RAB38: variants seen among roughly 807,000 people sequenced by gnomAD.
RAB38 encodes the protein ras-related protein Rab-38.
A neutral mutation model predicts 18.4 loss-of-function variants in RAB38; 15 were observed. The observed-to-expected ratio is 0.82, with a 90% confidence interval of 0.55 to 1.26. RAB38 has a LOEUF of 1.26. RAB38 is among the 50% of genes most tolerant of loss of function. The pLI is 0.00. For synonymous variants in RAB38, 101 were observed against 104.4 expected, an observed-to-expected ratio of 0.97 and a Z score of 0.20; for missense variants, 294 against 267.4, an observed-to-expected ratio of 1.10 and a Z score of -0.69.
At chr11:87,836,393 T>C in the RAB38 span, among the ~76,000 whole-genome samples, 3 of 152,220 alleles carry the variant, frequency 2.0e-5, no homozygotes, top group Non-Finnish European at 4.4e-5. Context: ...CTGAGTATTT[T>C]TTTTTAATAA....
chr11:88,132,606 C>A (rs148747646), intron 2 of RAB38, among the ~76,000 whole-genome samples: 33 of 152,022 alleles, frequency 2.2e-4, no homozygotes, highest in Non-Finnish European at 4.3e-4. Flanking sequence ...TACAAGCATG[C>A]GCCACCATGC....
chr11:87,874,109 G>T, the RAB38 span, among the ~76,000 whole-genome samples: 1 of 150,588 alleles, frequency 6.6e-6, no homozygotes, highest in Non-Finnish European at 1.5e-5. Flanking sequence ...TCTTGGTCCT[G>T]TTAAATGAAT....
At position 88,175,404 on chromosome 11, in the gene RAB38, T is replaced by A. The variant is rs554603663; in HGVS notation, c.-20A>T. On this transcript the variant is annotated 5_prime_UTR_variant, in exon 1 of 3. Transcript: ENST00000243662. ...CTGCATCCTGGCGGCCGGCCAGACG[T>A]GCCGTGCCTGACCAGGGAAGCGCAG... The A allele has an allele frequency of 6.3e-7, 1 of 1,597,064 alleles. No homozygotes were observed. The highest frequency in any genetic ancestry group is 2.3e-5 in the East Asian group (1 of 43,458).
At chr11:88,110,945 A>G (rs575458034), downstream of RAB38, among the ~76,000 whole-genome samples, 1 of 152,286 alleles carries the variant, frequency 6.6e-6, no homozygotes, top group African/African-American at 2.4e-5. Flanking sequence ...GTTCGAGACC[A>G]GGATGGTTGA....
At chr11:87,893,390 A>ATGTGTATATATATATATATATATATATT in the RAB38 span, among the ~76,000 whole-genome samples, 1 of 93,916 alleles carries the variant, frequency 1.1e-5, no homozygotes, top group African/African-American at 3.7e-5. Context: ...ATATATATAT[A>ATGTGTATATATATATATATATATATATT]TTTTTTTTTT....
the RAB38 span, among the ~76,000 whole-genome samples, chr11:87,830,975 G>A: frequency 7.9e-5 from 12 of 151,970 alleles, no homozygotes; most frequent in South Asian, 2.3e-3. Context: ...ATTTTTGTAT[G>A]TACATATTTT....
intron 1 of RAB38, among the ~76,000 whole-genome samples, chr11:88,169,360 TC>T (rs1943282109): frequency 6.6e-6 from 1 of 152,212 alleles, no homozygotes; most frequent in African/African-American, 2.4e-5. Flanking sequence ...GTTTTTCTTT[TC>T]TGTTTTCCAG....
At chr11:87,937,396 A>G in the RAB38 span, among the ~76,000 whole-genome samples, 1 of 143,340 alleles carries the variant, frequency 7.0e-6, no homozygotes, top group Non-Finnish European at 1.5e-5. Context: ...TTATGAGGAT[A>G]TTGGTTTGTA....
At chr11:88,020,567 A>G in the RAB38 span, among the ~76,000 whole-genome samples, 1 of 152,178 alleles carries the variant, frequency 6.6e-6, no homozygotes, top group Non-Finnish European at 1.5e-5. Context: ...CAACAAAGAA[A>G]CATCGGACTT....
chr11:87,822,358 C>T, the RAB38 span, among the ~76,000 whole-genome samples: 15 of 152,180 alleles, frequency 9.9e-5, no homozygotes, highest in South Asian at 4.1e-4. Context: ...TGCCCAAAAA[C>T]GTAGTGTCTA....
chr11:88,021,138 T>C, the RAB38 span, among the ~76,000 whole-genome samples: 31 of 151,852 alleles, frequency 2.0e-4, 1 homozygote, highest in Middle Eastern at 0.014. Context: ...AAGAAAGTAA[T>C]ACAAAAGATC....
chr11:88,106,382 A>T, the RAB38 span, among the ~76,000 whole-genome samples: 1 of 152,308 alleles, frequency 6.6e-6, no homozygotes, highest in South Asian at 2.1e-4. Flanking sequence ...TCAGTTCAAG[A>T]CAAAATAGAA....
At chr11:87,842,308 C>T in the RAB38 span, among the ~76,000 whole-genome samples, 4 of 152,020 alleles carry the variant, frequency 2.6e-5, no homozygotes, top group Admixed American at 2.6e-4. Flanking sequence ...CACTGAGAGA[C>T]AAAAGGATAA....
the RAB38 span, among the ~76,000 whole-genome samples, chr11:87,874,828 A>T: frequency 6.6e-6 from 1 of 151,510 alleles, no homozygotes; most frequent in South Asian, 2.1e-4. Flanking sequence ...AAAAGGGGGA[A>T]CCCTTGCAGG....
At chr11:87,916,004 CTT>C in the RAB38 span, among the ~76,000 whole-genome samples, 1 of 152,176 alleles carries the variant, frequency 6.6e-6, no homozygotes, top group Non-Finnish European at 1.5e-5. Flanking sequence ...TGACTTTTCC[CTT>C]TTGGAATGGG....
intron 2 of RAB38, among the ~76,000 whole-genome samples, chr11:88,140,152 CA>C (rs949028892): frequency 5.7e-4 from 87 of 152,288 alleles, no homozygotes; most frequent in Non-Finnish European, 4.1e-4. Flanking sequence ...GGGCCCAAGG[CA>C]AGGCATTAAG....
intron 1 of RAB38, among the ~76,000 whole-genome samples, chr11:88,164,142 A>G (rs1943219548): frequency 6.6e-6 from 1 of 152,052 alleles, no homozygotes; most frequent in Non-Finnish European, 1.5e-5. Context: ...GTATCCATTA[A>G]ATAAATTTTT....
chr11:87,937,335 T>TATATATATATATATAC, the RAB38 span, among the ~76,000 whole-genome samples: 1 of 100,630 alleles, frequency 9.9e-6, no homozygotes, highest in South Asian at 3.7e-4. Flanking sequence ...TATATATATA[T>TATATATATATATATAC]ATATATATAT....
the RAB38 span, among the ~76,000 whole-genome samples, chr11:87,931,943 T>C: frequency 5.5e-4 from 80 of 144,632 alleles, 1 homozygote; most frequent in South Asian, 4.4e-4. Context: ...ACAGGAGGGG[T>C]GGGGTGGGGT....
Sources: allele counts gnomAD v4.1 joint callset (sites outside exome capture counted in the v4.1 genomes callset), GRCh38; gene constraint gnomAD v4.1.1; transcripts MANE v1.5; gene names NCBI Gene and HGNC (gene_info 2026-07-23, HGNC 2026-07-21).